The following SPATS1 variants were observed in gnomAD, a reference collection of about 807,000 sequenced individuals.
SPATS1 encodes spermatogenesis associated serine rich 1.
SPATS1 carries 23 observed loss-of-function variants against 33.6 expected under a neutral mutation model. That is an observed-to-expected ratio of 0.68 (90% CI 0.49 to 0.97). SPATS1 has a LOEUF of 0.97. SPATS1 is among the 50% of genes least tolerant of loss of function. The probability of loss-of-function intolerance (pLI) is 0.00; values close to 1 mark genes in which losing one functional copy is unlikely to be tolerated. For synonymous variants in SPATS1, 131 were observed against 125.6 expected (o/e 1.04, Z -0.29); for missense variants, 327 against 361.0 (o/e 0.91, Z 0.76).
At chr6:44,358,803 T>C (rs539904512) in intron 3 of SPATS1, among the ~76,000 whole-genome samples, 3 of 152,318 alleles carry the variant, frequency 2.0e-5, no homozygotes, top group South Asian at 2.1e-4. Flanking sequence ...GTAATATTAA[T>C]AGGATTATCA....
intron 7 of SPATS1, among the ~76,000 whole-genome samples, chr6:44,373,771 GTCCCT>G (rs1789769102): frequency 2.0e-5 from 3 of 152,188 alleles, no homozygotes. Context: ...TATTGAAAAG[GTCCCT>G]ATAATGTGCA....
chr6:44,348,925 G>A (rs565458716), intron 2 of SPATS1, among the ~76,000 whole-genome samples: 119 of 152,314 alleles, frequency 7.8e-4, no homozygotes, highest in African/African-American at 2.6e-3. Flanking sequence ...GAGGTGTGGC[G>A]TTTGAGACCA....
intron 4 of SPATS1, chr6:44,361,554 T>A: frequency 1.0e-6 from 1 of 983,824 alleles, no homozygotes; most frequent in South Asian, 4.7e-5. Flanking sequence ...ATACTTAACT[T>A]CCAAACATAA....
chr6:44,361,836 G>T lies in SPATS1; in HGVS notation c.418G>T (p.Gly140Trp). Residue 140 changes from glycine (G) to tryptophan (W), a missense_variant, in exon 5 of 9, where the codon GGG (glycine) becomes TGG (tryptophan). Transcript: ENST00000674044. ...FSLLKLQTKD[G>W]HRPEWTFYPR... ...GGCTTTCTGGTGTATTGCAGAAGAT[G>T]GGCATCGTCCTGAGTGGACATTTTA... is the stretch of plus-strand genomic sequence containing the variant. 6.2e-7 allele frequency: 1 copy of T among 1,614,222 alleles called. No homozygotes were observed. The highest frequency in any genetic ancestry group is 8.5e-7 in the Non-Finnish European group (1 of 1,180,030).
chr6:44,352,046 T>G (rs1476965476), intron 2 of SPATS1, among the ~76,000 whole-genome samples: 1 of 152,182 alleles, frequency 6.6e-6, no homozygotes, highest in East Asian at 1.9e-4. Flanking sequence ...GAACTATATG[T>G]AGGGGCAAGC....
chr6:44,360,465 C>T lies in SPATS1; in HGVS notation c.307C>T (p.Arg103Trp), dbSNP rs777076411. The change falls in exon 4 of 9, where the codon CGG (arginine) becomes TGG (tryptophan). Residue 103 changes from arginine (R) to tryptophan (W), a missense_variant. Transcript: ENST00000674044. ...TTCCAGCACCACTGCTGACTTGGATCGGAAACTCTCCTTCTCACATTCTGA... is the reference window on the plus strand; with the variant it reads ...TTCCAGCACCACTGCTGACTTGGATTGGAAACTCTCCTTCTCACATTCTGA... ...AYVDTTADLDRKLSFSHSDHS... is the reference protein window; with the variant it reads ...AYVDTTADLDWKLSFSHSDHS... 66 of 1,614,018 alleles carry T rather than the reference C, an allele frequency of 4.1e-5. No individual in the cohort carries two copies. Among genetic ancestry groups the T allele is most frequent in the Admixed American group, 8.3e-5 (5 of 60,000 alleles).
intron 2 of SPATS1, among the ~76,000 whole-genome samples, chr6:44,348,072 G>A (rs533007978): frequency 2.6e-4 from 40 of 151,214 alleles, no homozygotes; most frequent in African/African-American, 9.7e-4. Context: ...AGTGTGGCAT[G>A]ATCTCAGGTC....
At chr6:44,353,928 T>C (rs1315380777) in intron 3 of SPATS1, among the ~76,000 whole-genome samples, 1 of 149,960 alleles carries the variant, frequency 6.7e-6, no homozygotes, top group Non-Finnish European at 1.5e-5. Flanking sequence ...TCCCAGCTAT[T>C]CGGGAGGCTG....
intron 2 of SPATS1, 144 bp downstream of exon 2, chr6:44,343,378 T>C: frequency 3.2e-6 from 3 of 924,294 alleles, no homozygotes; most frequent in Non-Finnish European, 5.2e-6. Flanking sequence ...GCTTGAATAG[T>C]AGCTTATGTT....
At chr6:44,344,389 A>ATGTG (rs200916956) in intron 2 of SPATS1, among the ~76,000 whole-genome samples, 15,135 of 124,640 alleles carry the variant, frequency 0.12, 999 homozygotes, top group East Asian at 0.38. Context: ...AATTGAAGAT[A>ATGTG]CGTGTGTGTG....
At chr6:44,348,981 A>G (rs1015253609) in intron 2 of SPATS1, among the ~76,000 whole-genome samples, 1 of 152,138 alleles carries the variant, frequency 6.6e-6, no homozygotes, top group African/African-American at 2.4e-5. Flanking sequence ...AAATACAAAA[A>G]TTAGCCAGGC....
rs1218533701 is a variant in SPATS1 at position 44,368,430 on chromosome 6, A to G, written c.626A>G (p.Tyr209Cys). ...AAGTTAACTCCAGGCGACAATCCAT[A>G]TATGTACCCAGAACAGAGTAAAGGC... Reference protein sequence around the residue: ...IPKLTPGDNPYMYPEQSKGFH... With the variant: ...IPKLTPGDNPCMYPEQSKGFH... Residue 209 changes from tyrosine to cysteine, a missense_variant, in exon 6 of 9, where the codon TAT (tyrosine) becomes TGT (cysteine). Tyr to Cys is a radical substitution (Grantham distance 194). Coordinates refer to ENST00000674044, the MANE Select transcript of SPATS1 (RefSeq NM_001372081.1). 3.7e-6 allele frequency: 6 copies of G among 1,613,824 alleles called. No homozygotes were observed. Among genetic ancestry groups the G allele is most frequent in the Non-Finnish European group, 4.2e-6 (5 of 1,179,866 alleles).
chr6:44,368,615 A>C, intron 6 of SPATS1, 116 bp downstream of exon 6: 1 of 979,526 alleles, frequency 1.0e-6, no homozygotes. Context: ...GATTGGATGA[A>C]AATTCCTTGA....
intron 5 of SPATS1, among the ~76,000 whole-genome samples, chr6:44,367,638 GA>G (rs1306637241): frequency 6.6e-6 from 1 of 152,254 alleles, no homozygotes; most frequent in African/African-American, 2.4e-5. Flanking sequence ...GCCCAAGGGT[GA>G]TGAGTCTCGT....
chr6:44,355,018 A>G (rs1456983173), intron 3 of SPATS1, among the ~76,000 whole-genome samples: 4 of 152,016 alleles, frequency 2.6e-5, no homozygotes, highest in Admixed American at 6.6e-5. Context: ...ACAGGATCTT[A>G]CTATGCTACC....
chr6:44,344,501 C>T (rs1369637328), intron 2 of SPATS1, among the ~76,000 whole-genome samples: 3 of 151,424 alleles, frequency 2.0e-5, no homozygotes, highest in Admixed American at 2.0e-4. Flanking sequence ...GGGTTAAAAA[C>T]TTCTGTCCTT....
chr6:44,343,531 G>A (rs1346051935), intron 2 of SPATS1: 2 of 512,528 alleles, frequency 3.9e-6, no homozygotes, highest in Non-Finnish European at 7.6e-6. Context: ...CCAGTGCTTG[G>A]GTTAATAAAA....
Position 44,368,477 on chromosome 6 carries a change from C to T in SPATS1, c.673C>T (p.Leu225Phe), listed in dbSNP as rs1369102203. The change falls in exon 6 of 9, where the codon CTC (leucine) becomes TTC (phenylalanine). Residue 225 changes from leucine to phenylalanine, a missense_variant. Transcript: ENST00000674044. ...SKGFHKAGSM[L>F]PPVNFSIVPY... Reference sequence around the variant, plus strand: ...AGGCTTCCACAAAGCAGGATCAATGCTCCCACCAGTGAATTTTTCAATGTA... The same window carrying T: ...AGGCTTCCACAAAGCAGGATCAATGTTCCCACCAGTGAATTTTTCAATGTA... 1.2e-6 allele frequency: 2 copies of T among 1,612,092 alleles called. No individual in the cohort carries two copies. The highest frequency in any genetic ancestry group is 1.1e-5 in the South Asian group (1 of 90,752).
chr6:44,373,639 C>A (rs190482793), intron 7 of SPATS1, among the ~76,000 whole-genome samples: 6 of 151,360 alleles, frequency 4.0e-5, no homozygotes, highest in African/African-American at 1.2e-4. Flanking sequence ...GCAAATGCAA[C>A]AATCCACCTG....
Sources: gnomAD v4.1 joint callset for allele counts (sites outside exome capture counted in the v4.1 genomes callset) on GRCh38, gnomAD v4.1.1 for gene constraint, MANE v1.5 for transcripts, NCBI Gene and HGNC (gene_info 2026-07-23, HGNC 2026-07-21) for gene names.